KITLG: variants seen among roughly 807,000 people sequenced by gnomAD.
The protein encoded by KITLG is c-Kit ligand.
In KITLG, 13 loss-of-function variants were observed where a neutral mutation model predicts 34.1. The ratio of observed to expected loss-of-function variants is 0.38; its 90% CI spans 0.25 to 0.61. The LOEUF (loss-of-function observed/expected upper bound fraction) is 0.61. KITLG is among the 20% of genes least tolerant of loss of function. KITLG has a pLI of 0.60. For synonymous variants in KITLG, 110 were observed against 104.0 expected (o/e 1.06, Z -0.35); for missense variants, 292 against 318.9 (o/e 0.92, Z 0.64).
chr12:88,547,613 C>T (rs1160366947), intron 1 of KITLG, among the ~76,000 whole-genome samples: 7 of 152,126 alleles, frequency 4.6e-5, no homozygotes, highest in African/African-American at 1.7e-4. Flanking sequence ...TTTATATTGT[C>T]ATTGCTAAGA....
chr12:88,503,627 G>T (rs774302474), intron 9 of KITLG, among the ~76,000 whole-genome samples: 1 of 152,118 alleles, frequency 6.6e-6, no homozygotes, highest in African/African-American at 2.4e-5. Flanking sequence ...GGGTCTTCCC[G>T]CAACAGTATC....
At chr12:88,497,786 T>C (rs549741388) in intron 9 of KITLG, among the ~76,000 whole-genome samples, 3 of 152,262 alleles carry the variant, frequency 2.0e-5, no homozygotes, top group African/African-American at 7.2e-5. Flanking sequence ...CAACAAGTAA[T>C]AGCCTCACAT....
chr12:88,506,646 C>T (rs1326237043), intron 7 of KITLG, among the ~76,000 whole-genome samples: 5 of 152,136 alleles, frequency 3.3e-5, no homozygotes, highest in African/African-American at 1.2e-4. Context: ...AGCTGAGTCA[C>T]AATGATTTTT....
chr12:88,538,722 C>T (rs763812270), intron 2 of KITLG, among the ~76,000 whole-genome samples: 6 of 151,822 alleles, frequency 4.0e-5, no homozygotes, highest in Non-Finnish European at 8.8e-5. Flanking sequence ...ACCAAGGCTA[C>T]GTATTTTAAA....
At chr12:88,540,418 A>G (rs1314363451) in intron 2 of KITLG, among the ~76,000 whole-genome samples, 1 of 152,180 alleles carries the variant, frequency 6.6e-6, no homozygotes, top group East Asian at 1.9e-4. Context: ...AAAAATAGTT[A>G]TCTTGTAAGG....
chr12:88,577,329 G>C (rs1187057133), intron 1 of KITLG, among the ~76,000 whole-genome samples: 1 of 152,088 alleles, frequency 6.6e-6, no homozygotes, highest in African/African-American at 2.4e-5. Context: ...TTGTTTGCAA[G>C]ATCAATCTTT....
At chr12:88,557,687 T>C (rs1390259736) in intron 1 of KITLG, among the ~76,000 whole-genome samples, 2 of 152,140 alleles carry the variant, frequency 1.3e-5, no homozygotes, top group East Asian at 1.9e-4. Context: ...GCAATAAGTG[T>C]GTATTTTCAA....
At chr12:88,544,016 C>T (rs774711414) in intron 2 of KITLG, among the ~76,000 whole-genome samples, 10 of 152,012 alleles carry the variant, frequency 6.6e-5, no homozygotes, top group South Asian at 2.1e-4. Context: ...TAGGCATGGG[C>T]GTAAGTAGTC....
chr12:88,518,587 T>C (rs367963897), intron 4 of KITLG, 110 bp downstream of exon 4: 4 of 854,340 alleles, frequency 4.7e-6, no homozygotes, highest in African/African-American at 3.4e-5. Flanking sequence ...TTGAAGTTTA[T>C]ACAATCAAAA....
intron 3 of KITLG, 67 bp from the exon 4 acceptor site, chr12:88,518,934 C>T (rs1191521861): frequency 2.2e-6 from 3 of 1,366,856 alleles, no homozygotes; most frequent in Non-Finnish European, 3.1e-6. Flanking sequence ...ACTCGGAGTA[C>T]TCTTCAAAGC....
At chr12:88,545,709 A>G (rs1178714370) in intron 2 of KITLG, 43 bp downstream of exon 2, 1 of 1,100,204 alleles carries the variant, frequency 9.1e-7, no homozygotes, top group South Asian at 1.3e-5. Context: ...AAAAAGAGCC[A>G]CAGCTCTTTT....
At chr12:88,512,374 A>T (rs1449609437) in intron 6 of KITLG, among the ~76,000 whole-genome samples, 2 of 152,130 alleles carry the variant, frequency 1.3e-5, no homozygotes, top group African/African-American at 4.8e-5. Flanking sequence ...AAGAGGATAA[A>T]TAAATGAACA....
chr12:88,573,619 A>T (rs1871729871), intron 1 of KITLG, among the ~76,000 whole-genome samples: 1 of 152,186 alleles, frequency 6.6e-6, no homozygotes, highest in Admixed American at 6.5e-5. Context: ...CTAAGCACTC[A>T]CAGGGCTTAT....
chr12:88,507,073 C>T lies in KITLG; in HGVS notation c.669G>A (p.Leu223=). ...AAGCAAAGCCAATTATAAGAGAAAA[C>T]AATGCTGGCAATGCCATGGCTGCCC... ...LHWAAMALPA[L]FSLIIGFAFG... is the part of the protein sequence containing the mutation. The change falls in exon 7 of 10, where the codon TTG becomes TTA. Residue 223 remains leucine, a synonymous_variant. Transcript: ENST00000644744. 1 of 1,613,638 alleles carries T rather than the reference C, an allele frequency of 6.2e-7. No homozygotes were observed. The highest frequency in any genetic ancestry group is 1.7e-5 in the Admixed American group (1 of 59,998).
chr12:88,530,429 G>A (rs1276286413), intron 3 of KITLG, among the ~76,000 whole-genome samples: 2 of 152,020 alleles, frequency 1.3e-5, no homozygotes, highest in East Asian at 3.8e-4. Context: ...TTTCTAATCA[G>A]CCAAGAAAAT....
intron 6 of KITLG, among the ~76,000 whole-genome samples, chr12:88,512,581 T>C (rs1366572978): frequency 6.6e-6 from 1 of 151,824 alleles, no homozygotes; most frequent in East Asian, 1.9e-4. Context: ...AGAAAACCAC[T>C]CATAGGCATA....
chr12:88,538,678 G>A (rs1469512599), intron 2 of KITLG, among the ~76,000 whole-genome samples: 3 of 152,016 alleles, frequency 2.0e-5, no homozygotes, highest in African/African-American at 7.2e-5. Context: ...AGTCCAGGGA[G>A]TATTCCCTAT....
chr12:88,533,516 T>G (rs1240833053), intron 2 of KITLG, among the ~76,000 whole-genome samples: 8 of 152,192 alleles, frequency 5.3e-5, no homozygotes, highest in Non-Finnish European at 8.8e-5. Context: ...GTACCAACTT[T>G]GCTGTCCGCA....
At chr12:88,546,142 T>C (rs941826791) in intron 1 of KITLG, 16 of 491,042 alleles carry the variant, frequency 3.3e-5, no homozygotes, top group African/African-American at 2.7e-4. Context: ...GGAATAAACT[T>C]GTAGCAGCAT....
Sources: gnomAD v4.1 joint callset for allele counts (sites outside exome capture counted in the v4.1 genomes callset) on GRCh38, gnomAD v4.1.1 for gene constraint, MANE v1.5 for transcripts, NCBI Gene and HGNC (gene_info 2026-07-23, HGNC 2026-07-21) for gene names.